Variants in VIPR2 observed in about 807,000 individuals in gnomAD.
VIPR2 encodes the protein vasoactive intestinal peptide receptor 2, also known as vasoactive intestinal polypeptide receptor 2.
Under a neutral mutation model 58.0 loss-of-function variants are expected in VIPR2, and 48 were observed. The ratio of observed to expected loss-of-function variants is 0.83; its 90% CI spans 0.66 to 1.05. The LOEUF (loss-of-function observed/expected upper bound fraction) is 1.05, where lower values mean the gene tolerates loss of function less well. Ranked by LOEUF, VIPR2 falls within the 50% of genes least tolerant of loss-of-function variation. VIPR2 has a pLI of 0.00. For synonymous variants in VIPR2, 243 were observed against 235.2 expected (o/e 1.03, Z -0.30); for missense variants, 534 against 558.0 (o/e 0.96, Z 0.43).
At chr7:159,075,224 C>G (rs1328434767) in intron 4 of VIPR2, among the ~76,000 whole-genome samples, 1 of 152,180 alleles carries the variant, frequency 6.6e-6, no homozygotes, top group African/African-American at 2.4e-5. Context: ...CAGCTCAGCT[C>G]AAAATCTACA....
rs1585578917 is a variant in VIPR2 at position 159,141,390 on chromosome 7, G to A, written c.151+1056C>T. Reference sequence around the variant, plus strand: ...GCACGTTTCAGACCAAGAAACGGTGGCTCAGAGGGGGATGGGAACGGGCAG... The same window carrying A: ...GCACGTTTCAGACCAAGAAACGGTGACTCAGAGGGGGATGGGAACGGGCAG... On this transcript the variant is annotated intron_variant, in intron 2 of 12. Transcript: ENST00000262178. Among the ~76,000 whole-genome samples the A allele has an allele frequency of 2.0e-5, 3 of 152,380 alleles. No homozygotes were observed. In the East Asian group the frequency reaches 5.8e-4, roughly 29 times the overall value.
At chr7:159,105,182 TAA>T (rs1280275529) in intron 3 of VIPR2, among the ~76,000 whole-genome samples, 1 of 152,160 alleles carries the variant, frequency 6.6e-6, no homozygotes, top group African/African-American at 2.4e-5. Flanking sequence ...GCCGTAAGAA[TAA>T]AACCAGGCAC....
chr7:159,101,568 T>C (rs1163202226), intron 4 of VIPR2, among the ~76,000 whole-genome samples: 1 of 114,134 alleles, frequency 8.8e-6, no homozygotes, highest in Non-Finnish European at 1.8e-5. Context: ...CCTGTGGTAG[T>C]GAACGGGTCT....
chr7:159,109,296 A>T (rs1429377305), intron 3 of VIPR2, among the ~76,000 whole-genome samples: 1 of 152,218 alleles, frequency 6.6e-6, no homozygotes, highest in Admixed American at 6.5e-5. Context: ...AGGAGCCTGG[A>T]AGCCCAGAGA....
chr7:159,065,454 T>C (rs909004422), intron 4 of VIPR2, among the ~76,000 whole-genome samples: 1 of 151,920 alleles, frequency 6.6e-6, no homozygotes, highest in African/African-American at 2.4e-5. Context: ...GGCTGGAGAG[T>C]GGAGGCTGCA....
rs990279939 is a variant in VIPR2, at chr7:159,030,673, C to T, written c.1260G>A (p.Gln420=). The T allele has an allele frequency of 1.5e-5, 24 of 1,566,316 alleles. No homozygotes were observed. The highest frequency in any genetic ancestry group is 2.0e-5 in the Non-Finnish European group (23 of 1,157,068). ...ACTGGGCGCGGGAGCCGCGGTGGAA[C>T]TGCAGGGCGCCCTCCGAGCCGTTGC... ...FSRNGSEGAL[Q]FHRGSRAQSF... is the part of the protein sequence containing the mutation. Residue 420 remains glutamine, a synonymous_variant, in exon 13 of 13, where the codon CAG becomes CAA. Coordinates refer to ENST00000262178, the MANE Select transcript of VIPR2 (RefSeq NM_003382.5).
intron 2 of VIPR2, among the ~76,000 whole-genome samples, chr7:159,134,663 C>CTT (rs1380328529): frequency 6.9e-6 from 1 of 145,396 alleles, no homozygotes; most frequent in African/African-American, 2.5e-5. Flanking sequence ...TATTTTCTTT[C>CTT]TTTTTTTTTT....
intron 4 of VIPR2, among the ~76,000 whole-genome samples, chr7:159,076,989 A>G (rs1367605224): frequency 6.6e-6 from 1 of 152,212 alleles, no homozygotes; most frequent in Non-Finnish European, 1.5e-5. Flanking sequence ...TTATTACCAG[A>G]CAGTTTCAAT....
Position 159,121,998 on chromosome 7 carries a change from C to T in VIPR2, c.152-12079G>A, listed in dbSNP as rs149068922. Among the ~76,000 whole-genome samples, 538 of 152,300 alleles carry T rather than the reference C, an allele frequency of 3.5e-3. 6 individuals are homozygous for T. The highest frequency in any genetic ancestry group is 0.011 in the African/African-American group (462 of 41,568). On this transcript the variant is annotated intron_variant, in intron 2 of 12. Transcript: ENST00000262178. ...TCATTGACAGATACAAAAGCCAAGACGTGAAAAGTTGTTGAACCAGAGCTT... is the reference window on the plus strand; with the variant it reads ...TCATTGACAGATACAAAAGCCAAGATGTGAAAAGTTGTTGAACCAGAGCTT...
intron 4 of VIPR2, among the ~76,000 whole-genome samples, chr7:159,086,320 G>A (rs927762719): frequency 6.6e-6 from 1 of 152,172 alleles, no homozygotes; most frequent in Non-Finnish European, 1.5e-5. Flanking sequence ...TTTTGCCCAT[G>A]GAGTCCTATG....
At chr7:159,130,952 G>A (rs771504166) in intron 2 of VIPR2, among the ~76,000 whole-genome samples, 1 of 152,222 alleles carries the variant, frequency 6.6e-6, no homozygotes, top group African/African-American at 2.4e-5. Context: ...TCAAGCAGCT[G>A]CAGACATCTG....
chr7:159,136,985 T>C (rs1227249698), intron 2 of VIPR2, among the ~76,000 whole-genome samples: 1 of 149,902 alleles, frequency 6.7e-6, no homozygotes, highest in Non-Finnish European at 1.5e-5. Context: ...GGGAGGGGAG[T>C]GGAGAAGGCA....
At chr7:159,044,831 T>C (rs1038698210) in intron 5 of VIPR2, among the ~76,000 whole-genome samples, 5 of 151,984 alleles carry the variant, frequency 3.3e-5, no homozygotes, top group African/African-American at 1.2e-4. Flanking sequence ...AATGGCGCAA[T>C]CTTGGCTCAT....
chr7:159,067,201 C>T (rs1856144925), intron 4 of VIPR2, among the ~76,000 whole-genome samples: 1 of 152,186 alleles, frequency 6.6e-6, no homozygotes, highest in Non-Finnish European at 1.5e-5. Context: ...CACCATTCAC[C>T]CACACGAGCA....
intron 7 of VIPR2, among the ~76,000 whole-genome samples, chr7:159,036,476 G>A (rs528155150): frequency 9.2e-5 from 14 of 152,266 alleles, no homozygotes; most frequent in South Asian, 2.1e-4. Flanking sequence ...GGGTAGAGGC[G>A]GAGGAGGAAA....
chr7:159,135,021 TTTTTTTTTTA>T lies in VIPR2; in HGVS notation c.151+7415_151+7424del, dbSNP rs1478672500. The stretch of plus-strand genomic sequence containing the variant: ...TTACAAAAGTTTTTTTTTTTTTTTT[TTTTTTTTTTA>T]ACATTTTAAGTAATTGGCCTAGAAA... On this transcript the variant is annotated intron_variant, in intron 2 of 12. Coordinates refer to ENST00000262178, the MANE Select transcript of VIPR2 (RefSeq NM_003382.5). Among the ~76,000 whole-genome samples the T allele has an allele frequency of 1.3e-3, 139 of 104,426 alleles. 5 individuals carry two copies. The highest frequency in any genetic ancestry group is 1.6e-3 in the African/African-American group (44 of 27,316). The allele number at this position is 104,426 out of a possible 152,430, so 68.5% of individuals were successfully genotyped here. A position where few individuals can be genotyped will look rare whatever the true frequency, so the allele number is the denominator to read the frequency against.
In VIPR2 at chr7:159,034,580, C is replaced by G. The variant is rs376298219; in HGVS notation, c.879+1G>C. 1.2e-6 allele frequency: 2 copies of G among 1,613,160 alleles called. No homozygotes were observed. The highest frequency in any genetic ancestry group is 2.2e-5 in the East Asian group (1 of 44,866). Reference sequence around the variant, plus strand: ...TCCACATGTCAACAGGGACTACTTACGATGATGGAAATTAAAATCGGTATT... The same window carrying G: ...TCCACATGTCAACAGGGACTACTTAGGATGATGGAAATTAAAATCGGTATT... On this transcript the variant is annotated splice_donor_variant, in intron 9 of 12. Coordinates refer to ENST00000262178, the MANE Select transcript of VIPR2 (RefSeq NM_003382.5). LOFTEE classifies it high-confidence loss of function.
intron 4 of VIPR2, among the ~76,000 whole-genome samples, chr7:159,072,902 G>A (rs1359801520): frequency 2.6e-5 from 4 of 152,178 alleles, no homozygotes; most frequent in African/African-American, 9.6e-5. Flanking sequence ...TCAACGAAAT[G>A]GTAACATTCT....
At position 159,095,310 on chromosome 7, in the gene VIPR2, G is replaced by A. The variant is rs1041954413; in HGVS notation, c.357+8447C>T. ...CCTAACATTTAAGGGGTGAAAAGGCGTGTGTGCAAGTGACTGTGTGCTGCA... is the reference window on the plus strand; with the variant it reads ...CCTAACATTTAAGGGGTGAAAAGGCATGTGTGCAAGTGACTGTGTGCTGCA... On this transcript the variant is annotated intron_variant, in intron 4 of 12. Transcript: ENST00000262178. This position sits in a 1 kb window ranked among gnomAD's most constrained non-coding sequence, Gnocchi z 5.2. Among the ~76,000 whole-genome samples the A allele has an allele frequency of 7.2e-5, 11 of 152,322 alleles. No homozygotes were observed. Among genetic ancestry groups the A allele is most frequent in the Middle Eastern group, 3.4e-3 (1 of 294 alleles).
Sources: allele counts gnomAD v4.1 joint callset (sites outside exome capture counted in the v4.1 genomes callset), GRCh38; gene constraint gnomAD v4.1.1; non-coding constraint Gnocchi (gnomAD v3.1); transcripts MANE v1.5; gene names NCBI Gene and HGNC (gene_info 2026-07-23, HGNC 2026-07-21).